APAF1: variants seen among roughly 807,000 people sequenced by gnomAD.
The protein encoded by APAF1 is apoptotic protease-activating factor 1.
A neutral mutation model predicts 152.4 loss-of-function variants in APAF1; 91 were observed. The observed-to-expected ratio is 0.60, with a 90% CI of 0.50 to 0.71. APAF1 has a LOEUF of 0.71. Among genes scored for constraint, APAF1 ranks in the 30% least tolerant of loss-of-function variants. The pLI is 0.00. For synonymous variants in APAF1, 484 were observed against 494.1 expected (o/e 0.98, Z 0.27); for missense variants, 1,283 against 1,472.0 (o/e 0.87, Z 2.10).
intron 18 of APAF1, among the ~76,000 whole-genome samples, chr12:98,704,370 G>C (rs2097719086): frequency 6.6e-6 from 1 of 152,212 alleles, no homozygotes; most frequent in Non-Finnish European, 1.5e-5. Context: ...AAGAAGATGG[G>C]TATGGGCCTT....
intron 9 of APAF1, 119 bp downstream of exon 9, chr12:98,666,476 C>T (rs2097672884): frequency 1.1e-6 from 1 of 935,500 alleles, no homozygotes; most frequent in Non-Finnish European, 1.6e-6. Flanking sequence ...CTAGCTTCCC[C>T]TAATATTAAC....
intron 12 of APAF1, among the ~76,000 whole-genome samples, chr12:98,673,832 T>C (rs555106753): frequency 6.6e-6 from 1 of 152,244 alleles, no homozygotes; most frequent in East Asian, 1.9e-4. Flanking sequence ...TACAATATAA[T>C]GCAATGAGTA....
At chr12:98,729,733 G>T (rs934364432) in intron 26 of APAF1, among the ~76,000 whole-genome samples, 4 of 152,212 alleles carry the variant, frequency 2.6e-5, no homozygotes, top group Non-Finnish European at 5.9e-5. Context: ...GGCAGGATAA[G>T]TGTTTGGAAA....
Position 98,665,548 on chromosome 12 carries a change from T to A in APAF1, c.956-5T>A, listed in dbSNP as rs755995180. ...TAGCATAGTGACTTCATTTTTTTTT[T>A]AAAGGCTCTCCCCTTGTAGTATCTT... On this transcript the variant is annotated splice_polypyrimidine_tract_variant and splice_region_variant and intron_variant, in intron 7 of 26. Transcript: ENST00000551964. 3.8e-6 allele frequency: 6 copies of A among 1,598,770 alleles called. No individual in the cohort carries two copies. The African/African-American group carries it at 4.0e-5, about 11-fold the overall frequency.
intron 11 of APAF1, 81 bp from the exon 12 acceptor site, chr12:98,671,454 A>T: frequency 1.5e-6 from 2 of 1,360,736 alleles, no homozygotes; most frequent in Non-Finnish European, 2.1e-6. Context: ...TTAAGCTTTT[A>T]AAGTGGCAAG....
intron 17 of APAF1, 113 bp downstream of exon 17, chr12:98,699,682 T>G (rs757220580): frequency 1.9e-5 from 24 of 1,245,276 alleles, no homozygotes; most frequent in Non-Finnish European, 1.4e-5. Context: ...TGTGTGATTT[T>G]GGGCAGTCTT....
chr12:98,715,433 GA>G lies in APAF1; in HGVS notation c.2967del (p.Glu989AspfsTer3). The G allele has an allele frequency of 6.2e-7, 1 of 1,612,876 alleles. No homozygotes were observed. Among genetic ancestry groups the G allele is most frequent in the Non-Finnish European group, 8.5e-7 (1 of 1,179,538 alleles). Reference protein sequence around the residue: ...GDENGAIEILELVNNRIFQSR... With the variant: ...GDENGAIEILXLVNNRIFQSR... ...GTGTTTTTCTGCTTTGAAGATTTTA[GA>G]ACTTGTAAACAATAGAATCTTCCAG... On this transcript the variant is annotated frameshift_variant, in exon 22 of 27. Coordinates refer to ENST00000551964, the MANE Select transcript of APAF1 (RefSeq NM_181861.2). LOFTEE classifies it high-confidence loss of function.
chr12:98,662,578 A>G lies in APAF1; in HGVS notation c.823+10A>G, dbSNP rs1181308876. The G allele has an allele frequency of 6.2e-7, 1 of 1,608,514 alleles. No individual in the cohort carries two copies. Among genetic ancestry groups the G allele is most frequent in the Non-Finnish European group, 8.5e-7 (1 of 1,175,238 alleles). On this transcript the variant is annotated intron_variant, in intron 6 of 26. Transcript: ENST00000551964. ...ACAGATTCAGTAATGGGTAAGGATT[A>G]TTCGTTTACTTTTTAGTACCTTTAT...
At chr12:98,712,272 A>G (rs1168763574) in intron 20 of APAF1, 47 bp from the exon 21 acceptor site, 2 of 1,072,730 alleles carry the variant, frequency 1.9e-6, no homozygotes. Context: ...GACGAACAAA[A>G]ACTGCTCTTA....
chr12:98,724,389 A>G (rs1034552984), intron 24 of APAF1, among the ~76,000 whole-genome samples: 1 of 152,076 alleles, frequency 6.6e-6, no homozygotes, highest in African/African-American at 2.4e-5. Context: ...TTTATCTTCC[A>G]TACCACTGCC....
At chr12:98,666,747 T>C (rs78380680) in intron 9 of APAF1, among the ~76,000 whole-genome samples, 1 of 152,150 alleles carries the variant, frequency 6.6e-6, no homozygotes, top group African/African-American at 2.4e-5. Context: ...TTTGGTTTTG[T>C]GTGATGTTTT....
At position 98,712,331 on chromosome 12, in the gene APAF1, A is replaced by C; in HGVS notation, c.2854A>C (p.Arg952=). The change falls in exon 21 of 27, where the codon AGA becomes CGA. Residue 952 remains arginine, a synonymous_variant. Transcript: ENST00000551964. ...HIRRLQLING[R]TGQIDYLTEA... ...CATTTTTCATTAGCTCATTAATGGAAGAACAGGTCAGATTGATTATCTGAC... is the reference window on the plus strand; with the variant it reads ...CATTTTTCATTAGCTCATTAATGGACGAACAGGTCAGATTGATTATCTGAC... The C allele has an allele frequency of 6.2e-7, 1 of 1,609,476 alleles. No homozygotes were observed. The highest frequency in any genetic ancestry group is 8.5e-7 in the Non-Finnish European group (1 of 1,175,936).
At chr12:98,679,301 C>T (rs1294883614) in intron 13 of APAF1, among the ~76,000 whole-genome samples, 1 of 152,120 alleles carries the variant, frequency 6.6e-6, no homozygotes, top group Non-Finnish European at 1.5e-5. Context: ...CAGAGAGGAG[C>T]TACCCTCTCT....
At chr12:98,703,640 TAA>T (rs1372194540) in intron 18 of APAF1, 141 bp downstream of exon 18, 1 of 1,032,722 alleles carries the variant, frequency 9.7e-7, no homozygotes, top group Non-Finnish European at 1.4e-6. Flanking sequence ...TAATGACCTC[TAA>T]CTTTGGGATA....
chr12:98,676,334 C>T (rs998374217), intron 12 of APAF1, among the ~76,000 whole-genome samples: 5 of 151,812 alleles, frequency 3.3e-5, no homozygotes, highest in African/African-American at 7.3e-5. Context: ...CTCAGCCTCC[C>T]GAGTAGCTAG....
chr12:98,729,108 A>G (rs1050827142), intron 26 of APAF1, among the ~76,000 whole-genome samples: 5 of 152,366 alleles, frequency 3.3e-5, no homozygotes, highest in Admixed American at 3.3e-4. Flanking sequence ...AGGTGGAAGC[A>G]CAAAGGAGAG....
chr12:98,671,430 A>G, intron 11 of APAF1, 105 bp from the exon 12 acceptor site: 1 of 1,121,786 alleles, frequency 8.9e-7, no homozygotes, highest in South Asian at 1.3e-5. Flanking sequence ...TAGTTCATAT[A>G]AAGAATATTT....
intron 4 of APAF1, among the ~76,000 whole-genome samples, chr12:98,656,796 C>A (rs903123282): frequency 6.6e-6 from 1 of 152,182 alleles, no homozygotes; most frequent in East Asian, 1.9e-4. Context: ...ACTTTAGCAC[C>A]AGGAAATGGG....
chr12:98,697,765 G>A (rs564554146), intron 16 of APAF1, among the ~76,000 whole-genome samples: 1 of 152,172 alleles, frequency 6.6e-6, no homozygotes, highest in Non-Finnish European at 1.5e-5. Flanking sequence ...TTAGATAACA[G>A]CATTTCAAGG....
Sources: gnomAD v4.1 joint callset for allele counts (sites outside exome capture counted in the v4.1 genomes callset) on GRCh38, gnomAD v4.1.1 for gene constraint, MANE v1.5 for transcripts, NCBI Gene and HGNC (gene_info 2026-07-23, HGNC 2026-07-21) for gene names.